MCU: variants seen among roughly 807,000 people sequenced by gnomAD.
MCU encodes the protein calcium uniporter protein, mitochondrial.
MCU carries 12 observed loss-of-function variants against 45.2 expected under a neutral mutation model. The ratio of observed to expected loss-of-function variants is 0.27; its 90% confidence interval spans 0.17 to 0.43. The LOEUF is 0.43. Among genes scored for constraint, MCU ranks in the 20% least tolerant of loss-of-function variants. MCU has a pLI of 1.00. For synonymous variants in MCU, 160 were observed against 165.1 expected, an observed-to-expected ratio of 0.97 and a Z score of 0.24; for missense variants, 324 against 436.7, an observed-to-expected ratio of 0.74 and a Z score of 2.30.
At chr10:72,754,738 A>G (rs908452705) in intron 1 of MCU, among the ~76,000 whole-genome samples, 1 of 152,186 alleles carries the variant, frequency 6.6e-6, no homozygotes, top group Non-Finnish European at 1.5e-5. Flanking sequence ...TGCTGGGATT[A>G]CAGGCATGAG....
chr10:72,761,196 G>A (rs1041208732), intron 1 of MCU, among the ~76,000 whole-genome samples: 3 of 152,170 alleles, frequency 2.0e-5, no homozygotes, highest in African/African-American at 4.8e-5. Flanking sequence ...CTAATGTTTT[G>A]CAGTCCATTT....
rs1298775633 is a variant in MCU, at chr10:72,860,512, C to G, written c.481C>G (p.Arg161Gly). ...LVINDLTYHV[R>G]PPKRDLLSHE... ...CATTAATGACTTAACATACCACGTA[C>G]GACCACCAAAAAGAGGTAAAATAGT... Residue 161 changes from arginine to glycine, a missense_variant, in exon 4 of 8, where the codon CGA becomes GGA. Around this residue, in one of 4 missense-constraint regions of MCU, gnomAD observed 135 missense variants for 207.3 expected, o/e 0.65. Coordinates refer to ENST00000373053, the MANE Select transcript of MCU (RefSeq NM_138357.3). The G allele has an allele frequency of 3.7e-6, 6 of 1,613,092 alleles. No individual in the cohort carries two copies. Among genetic ancestry groups the G allele is most frequent in the African/African-American group, 1.3e-5 (1 of 74,886 alleles).
At chr10:72,799,775 C>T (rs916071728) in intron 1 of MCU, among the ~76,000 whole-genome samples, 1 of 151,840 alleles carries the variant, frequency 6.6e-6, no homozygotes. Flanking sequence ...TAAGATTAAA[C>T]TTTTTTTTAT....
At chr10:72,788,435 G>A (rs192990354) in intron 1 of MCU, among the ~76,000 whole-genome samples, 2 of 152,292 alleles carry the variant, frequency 1.3e-5, no homozygotes, top group Admixed American at 6.5e-5. Flanking sequence ...GGCCAACCTG[G>A]GCTATATAAT....
intron 6 of MCU, among the ~76,000 whole-genome samples, chr10:72,883,150 T>G (rs572746520): frequency 6.6e-6 from 1 of 152,196 alleles, no homozygotes; most frequent in African/African-American, 2.4e-5. Flanking sequence ...ATGATTCCAC[T>G]TATATGAAAT....
chr10:72,760,612 C>T (rs1314256911), intron 1 of MCU: 1 of 152,078 alleles, frequency 6.6e-6, no homozygotes, highest in Non-Finnish European at 1.5e-5. Flanking sequence ...TCACTGCAGC[C>T]TCAAACTCCT....
intron 1 of MCU, among the ~76,000 whole-genome samples, chr10:72,812,008 T>C (rs1434599480): frequency 6.6e-6 from 1 of 152,148 alleles, no homozygotes; most frequent in African/African-American, 2.4e-5. Flanking sequence ...CTAGATACAC[T>C]TGAAAACAGT....
At chr10:72,761,315 A>G (rs893362359) in intron 1 of MCU, among the ~76,000 whole-genome samples, 10 of 151,992 alleles carry the variant, frequency 6.6e-5, no homozygotes, top group Admixed American at 4.6e-4. Context: ...ATGAGCCTAC[A>G]TTTGTAATCT....
chr10:72,872,775 A>T (rs1845562944), intron 6 of MCU, among the ~76,000 whole-genome samples: 1 of 152,128 alleles, frequency 6.6e-6, no homozygotes, highest in Admixed American at 6.6e-5. Context: ...CTTTGGATAT[A>T]TGCCCACTAG....
intron 4 of MCU, among the ~76,000 whole-genome samples, chr10:72,862,460 C>T (rs902916382): frequency 6.6e-6 from 1 of 152,024 alleles, no homozygotes; most frequent in Non-Finnish European, 1.5e-5. Flanking sequence ...ACAGTGGGGG[C>T]GGGGGCAGAG....
chr10:72,728,876 A>G (rs1332006005), intron 1 of MCU, among the ~76,000 whole-genome samples: 1 of 152,180 alleles, frequency 6.6e-6, no homozygotes, highest in Non-Finnish European at 1.5e-5. Flanking sequence ...AATTATTTGT[A>G]TATTTGTTTA....
intron 1 of MCU, among the ~76,000 whole-genome samples, chr10:72,804,893 T>C (rs1276057564): frequency 6.6e-6 from 1 of 152,210 alleles, no homozygotes; most frequent in African/African-American, 2.4e-5. Flanking sequence ...CACCTCAGCC[T>C]TCCAAGTAGC....
chr10:72,837,857 T>G (rs1844977033), intron 2 of MCU, among the ~76,000 whole-genome samples: 1 of 130,192 alleles, frequency 7.7e-6, no homozygotes, highest in South Asian at 2.4e-4. Context: ...CCAATACTGG[T>G]TTTTTTTTTT....
At chr10:72,784,638 A>G (rs1011772053) in intron 1 of MCU, among the ~76,000 whole-genome samples, 4 of 152,128 alleles carry the variant, frequency 2.6e-5, no homozygotes, top group African/African-American at 9.7e-5. Context: ...GAAAATGTTA[A>G]TGTGGCACTG....
intron 1 of MCU, among the ~76,000 whole-genome samples, chr10:72,779,778 C>G (rs939869526): frequency 6.6e-6 from 1 of 152,126 alleles, no homozygotes; most frequent in Non-Finnish European, 1.5e-5. Context: ...CAGAAAATAA[C>G]AAGTGTTAGT....
chr10:72,694,283 G>A (rs1321145938), intron 1 of MCU, among the ~76,000 whole-genome samples: 1 of 152,146 alleles, frequency 6.6e-6, no homozygotes, highest in Non-Finnish European at 1.5e-5. Flanking sequence ...GATAGTCTGT[G>A]ATTCTTTACA....
chr10:72,839,334 G>C (rs1165965409), intron 2 of MCU, among the ~76,000 whole-genome samples: 2 of 152,042 alleles, frequency 1.3e-5, no homozygotes, highest in Non-Finnish European at 2.9e-5. Context: ...TCAGTTGATA[G>C]GGTAGCAAAT....
chr10:72,838,784 T>C (rs184400718), intron 2 of MCU, among the ~76,000 whole-genome samples: 7 of 152,286 alleles, frequency 4.6e-5, no homozygotes, highest in South Asian at 2.1e-4. Flanking sequence ...GTTTAATTAA[T>C]AAACAATCAT....
At chr10:72,788,810 C>G (rs745572147) in intron 1 of MCU, among the ~76,000 whole-genome samples, 2 of 152,170 alleles carry the variant, frequency 1.3e-5, no homozygotes, top group East Asian at 3.8e-4. Context: ...ATAGTTGATT[C>G]TTGATAAAGT....
Sources: gnomAD v4.1 joint callset for allele counts (sites outside exome capture counted in the v4.1 genomes callset) on GRCh38, gnomAD v4.1.1 for gene constraint, gnomAD v4.1.1 regional missense constraint, MANE v1.5 for transcripts, NCBI Gene and HGNC (gene_info 2026-07-23, HGNC 2026-07-21) for gene names.